The following ERC2 variants were observed in gnomAD, a reference collection of about 807,000 sequenced individuals.
ERC2 encodes ERC protein 2.
In ERC2, 42 loss-of-function variants were observed where a neutral mutation model predicts 114.8. That is an observed-to-expected ratio of 0.37 (90% confidence interval 0.29 to 0.47). The LOEUF (loss-of-function observed/expected upper bound fraction) is 0.47, where lower values mean the gene tolerates loss of function less well. Ranked by LOEUF, ERC2 falls within the 20% of genes least tolerant of loss-of-function variation. ERC2 has a pLI of 0.99. For synonymous variants in ERC2, 454 were observed against 425.5 expected, an observed-to-expected ratio of 1.07 and a Z score of -0.82; for missense variants, 939 against 1,150.7, an observed-to-expected ratio of 0.82 and a Z score of 2.66.
At chr3:56,429,761 C>T (rs2061714981) in intron 2 of ERC2, among the ~76,000 whole-genome samples, 1 of 152,152 alleles carries the variant, frequency 6.6e-6, no homozygotes, top group African/African-American at 2.4e-5. Flanking sequence ...CATATCCATC[C>T]AAGAAACTGA....
intron 17 of ERC2, among the ~76,000 whole-genome samples, chr3:55,586,139 G>A (rs1307505247): frequency 6.6e-6 from 1 of 152,130 alleles, no homozygotes; most frequent in Non-Finnish European, 1.5e-5. Context: ...GAGGTGACTG[G>A]CGGGGTGGGG....
At chr3:55,925,922 C>T (rs549664340) in intron 13 of ERC2, among the ~76,000 whole-genome samples, 22 of 152,238 alleles carry the variant, frequency 1.4e-4, no homozygotes, top group African/African-American at 5.1e-4. Context: ...TGTTTTACAA[C>T]CAGGCCATGC....
chr3:56,293,965 TG>T (rs1458684794), intron 3 of ERC2, among the ~76,000 whole-genome samples: 1 of 152,220 alleles, frequency 6.6e-6, no homozygotes, highest in African/African-American at 2.4e-5. Flanking sequence ...GAGTGAGAAA[TG>T]GTGCTGCAGA....
At chr3:56,156,367 A>G (rs564512260) in intron 4 of ERC2, among the ~76,000 whole-genome samples, 3 of 152,292 alleles carry the variant, frequency 2.0e-5, no homozygotes, top group Admixed American at 6.5e-5. Flanking sequence ...ACTGAACCCC[A>G]GTGTTTTAAA....
chr3:55,552,407 C>G (rs571998002), intron 17 of ERC2, among the ~76,000 whole-genome samples: 31 of 152,188 alleles, frequency 2.0e-4, no homozygotes, highest in Non-Finnish European at 3.8e-4. Context: ...TCCTCCTTCT[C>G]TTTTCCCTTC....
intron 1 of ERC2, among the ~76,000 whole-genome samples, chr3:56,443,725 T>C (rs2062427328): frequency 6.6e-6 from 1 of 151,784 alleles, no homozygotes; most frequent in Admixed American, 6.6e-5. Flanking sequence ...TTCTATAAAA[T>C]AAATCTCTGA....
chr3:56,189,323 G>A (rs1156615465), intron 3 of ERC2, among the ~76,000 whole-genome samples: 1 of 152,174 alleles, frequency 6.6e-6, no homozygotes, highest in African/African-American at 2.4e-5. Flanking sequence ...GTTCTTGATG[G>A]AATGCAAGAG....
At chr3:55,878,742 G>A (rs963354823) in intron 14 of ERC2, among the ~76,000 whole-genome samples, 1 of 152,254 alleles carries the variant, frequency 6.6e-6, no homozygotes, top group South Asian at 2.1e-4. Flanking sequence ...GTGTTCACTG[G>A]TAATATTAAT....
At chr3:55,649,113 C>T (rs1013915788) in intron 17 of ERC2, among the ~76,000 whole-genome samples, 1 of 152,166 alleles carries the variant, frequency 6.6e-6, no homozygotes, top group South Asian at 2.1e-4. Flanking sequence ...ATTCCAGAGA[C>T]ACCTGCATAA....
intron 17 of ERC2, among the ~76,000 whole-genome samples, chr3:55,646,464 T>C (rs1378490701): frequency 6.6e-6 from 1 of 152,230 alleles, no homozygotes; most frequent in Admixed American, 6.5e-5. Flanking sequence ...AATCTGTTTG[T>C]AGAATAAAAT....
intron 5 of ERC2, among the ~76,000 whole-genome samples, chr3:56,147,890 T>G (rs2081225992): frequency 6.6e-6 from 1 of 152,200 alleles, no homozygotes; most frequent in Non-Finnish European, 1.5e-5. Flanking sequence ...TAATAAATAT[T>G]CAGGTGCTTG....
intron 7 of ERC2, among the ~76,000 whole-genome samples, chr3:56,062,616 T>C (rs547699787): frequency 6.6e-6 from 1 of 152,296 alleles, no homozygotes; most frequent in South Asian, 2.1e-4. Context: ...AATAGTTAAA[T>C]GCTATCGTTT....
At chr3:56,207,670 A>C (rs905744816) in intron 3 of ERC2, among the ~76,000 whole-genome samples, 1 of 152,230 alleles carries the variant, frequency 6.6e-6, no homozygotes, top group East Asian at 1.9e-4. Flanking sequence ...TTTTAAAAAT[A>C]ACTTTTATGG....
intron 7 of ERC2, among the ~76,000 whole-genome samples, chr3:56,063,731 G>A (rs1458827260): frequency 2.6e-5 from 4 of 152,148 alleles, no homozygotes; most frequent in Admixed American, 6.6e-5. Flanking sequence ...AAGCATGCAT[G>A]TATGTATGCA....
chr3:56,238,104 A>C (rs923545030), intron 3 of ERC2, among the ~76,000 whole-genome samples: 2 of 152,036 alleles, frequency 1.3e-5, no homozygotes, highest in Admixed American at 1.3e-4. Flanking sequence ...CAAACCCCAA[A>C]ATGCAGGGTT....
At chr3:55,781,308 A>C (rs2069021648) in intron 14 of ERC2, among the ~76,000 whole-genome samples, 1 of 152,132 alleles carries the variant, frequency 6.6e-6, no homozygotes, top group Non-Finnish European at 1.5e-5. Context: ...AAGAACAAGC[A>C]CTGGGATGGG....
At chr3:55,904,277 G>A (rs1320963507) in intron 13 of ERC2, among the ~76,000 whole-genome samples, 1 of 152,080 alleles carries the variant, frequency 6.6e-6, no homozygotes, top group African/African-American at 2.4e-5. Flanking sequence ...AGTACCATAG[G>A]TAAAAATAGA....
chr3:55,669,892 A>C (rs151298764), intron 17 of ERC2, among the ~76,000 whole-genome samples: 131 of 152,364 alleles, frequency 8.6e-4, no homozygotes, highest in Non-Finnish European at 1.4e-3. Flanking sequence ...TAAACTTTTA[A>C]AGCTTTATAA....
chr3:56,187,529 C>G (rs939821237), intron 3 of ERC2, among the ~76,000 whole-genome samples: 1 of 152,104 alleles, frequency 6.6e-6, no homozygotes, highest in African/African-American at 2.4e-5. Context: ...AGATGAGATG[C>G]ACGCACATAC....
Sources: allele counts gnomAD v4.1 joint callset (sites outside exome capture counted in the v4.1 genomes callset), GRCh38; gene constraint gnomAD v4.1.1; transcripts MANE v1.5; gene names NCBI Gene and HGNC (gene_info 2026-07-23, HGNC 2026-07-21).